The following DLGAP2 variants were observed in gnomAD, a reference collection of about 807,000 sequenced individuals.
DLGAP2 encodes DLG associated protein 2, also known as disks large-associated protein 2.
DLGAP2 carries 26 observed loss-of-function variants against 100.3 expected under a neutral mutation model. The ratio of observed to expected loss-of-function variants is 0.26; its 90% CI spans 0.19 to 0.36. DLGAP2 has a LOEUF of 0.36. DLGAP2 is among the 10% of genes least tolerant of loss of function. The probability of loss-of-function intolerance (pLI) is 1.00; values close to 1 mark genes in which losing one functional copy is unlikely to be tolerated. For missense variants in DLGAP2, 1,858 were observed against 1,453.2 expected (o/e 1.28, Z -4.53); for synonymous variants, 886 against 630.1 (o/e 1.41, Z -6.08).
intron 13 of DLGAP2, 40 bp downstream of exon 13, chr8:1,691,666 A>C (rs756323220): frequency 1.4e-6 from 2 of 1,478,812 alleles, no homozygotes; most frequent in East Asian, 2.3e-5. Flanking sequence ...CCTGTAACCA[A>C]GCTAATGGGC....
At chr8:940,937 G>C (rs1354112383) in intron 2 of DLGAP2, among the ~76,000 whole-genome samples, 1 of 152,118 alleles carries the variant, frequency 6.6e-6, no homozygotes, top group Non-Finnish European at 1.5e-5. Context: ...AGCGGGCGTA[G>C]GGTACCACCT....
rs1014687325 is a variant in DLGAP2 at position 1,701,530 on chromosome 8, G to A, written c.*124G>A. On this transcript the variant is annotated 3_prime_UTR_variant, in exon 15 of 15. Transcript: ENST00000637795. ...ACACGTCCTCGCTCCCGCGCTCCCC[G>A]CGCCCCGGACACAGCGGGACGCGGC... The A allele has an allele frequency of 2.2e-5, 24 of 1,098,578 alleles. No homozygotes were observed. The highest frequency in any genetic ancestry group is 2.6e-5 in the East Asian group (1 of 37,868). The allele number at this position is 1,098,578 out of a possible 1,614,324, so 68.1% of individuals were successfully genotyped here. A position where few individuals can be genotyped will look rare whatever the true frequency, so the allele number is the denominator to read the frequency against.
chr8:1,003,541 A>G (rs1230341910), intron 2 of DLGAP2, among the ~76,000 whole-genome samples: 1 of 152,262 alleles, frequency 6.6e-6, no homozygotes, highest in African/African-American at 2.4e-5. Flanking sequence ...CCATCTCAAC[A>G]TTTAGTAAGC....
intron 2 of DLGAP2, among the ~76,000 whole-genome samples, chr8:1,121,954 G>A (rs1796059945): frequency 1.3e-5 from 2 of 152,144 alleles, no homozygotes; most frequent in African/African-American, 2.4e-5. Context: ...ACCCTCCTAG[G>A]TATTGAGTGC....
chr8:1,596,828 C>T (rs1396151593), intron 6 of DLGAP2, among the ~76,000 whole-genome samples: 2 of 150,860 alleles, frequency 1.3e-5, no homozygotes, highest in Non-Finnish European at 3.0e-5. Flanking sequence ...CTGTAGGTTG[C>T]CTGATAGTTT....
intron 1 of DLGAP2, among the ~76,000 whole-genome samples, chr8:785,221 CAAAAAAAAAA>C (rs55781731): frequency 3.9e-4 from 24 of 60,832 alleles, no homozygotes; most frequent in Middle Eastern, 0.011. Flanking sequence ...GACTCCGCCT[CAAAAAAAAAA>C]AAAAAAAAAA....
intron 2 of DLGAP2, among the ~76,000 whole-genome samples, chr8:1,133,852 T>C (rs1450063055): frequency 6.9e-6 from 1 of 145,886 alleles, no homozygotes; most frequent in Non-Finnish European, 1.5e-5. Flanking sequence ...TGATTAACCC[T>C]TTTTTTTTTT....
chr8:1,420,177 C>T (rs1797049308), intron 3 of DLGAP2, among the ~76,000 whole-genome samples: 1 of 152,116 alleles, frequency 6.6e-6, no homozygotes, highest in African/African-American at 2.4e-5. Context: ...CTGAGGACTG[C>T]CTTATCCTGA....
At chr8:1,633,185 G>A in intron 8 of DLGAP2, 139 bp downstream of exon 8, 1 of 763,558 alleles carries the variant, frequency 1.3e-6, no homozygotes, top group South Asian at 1.9e-5. Context: ...AATTGCATGT[G>A]TTACACTGTC....
chr8:1,174,504 A>G (rs1266946970), intron 2 of DLGAP2, among the ~76,000 whole-genome samples: 4 of 151,038 alleles, frequency 2.6e-5, no homozygotes, highest in Admixed American at 2.6e-4. Flanking sequence ...ACCATCATCA[A>G]AGTCATTATC....
intron 3 of DLGAP2, among the ~76,000 whole-genome samples, chr8:1,473,429 G>A (rs1032885885): frequency 3.3e-5 from 5 of 152,208 alleles, no homozygotes; most frequent in African/African-American, 4.8e-5. Flanking sequence ...AAGGTGTTCA[G>A]TTGGTCCACG....
At chr8:905,487 G>A (rs1041441788) in intron 1 of DLGAP2, among the ~76,000 whole-genome samples, 10 of 152,092 alleles carry the variant, frequency 6.6e-5, no homozygotes, top group Admixed American at 1.3e-4. Context: ...GAACAGAGAC[G>A]GCATAAAACA....
At chr8:789,251 C>T (rs575307297) in intron 1 of DLGAP2, among the ~76,000 whole-genome samples, 2 of 152,286 alleles carry the variant, frequency 1.3e-5, no homozygotes, top group Non-Finnish European at 2.9e-5. Flanking sequence ...GCTCACGGTT[C>T]CTCAGGATTT....
intron 2 of DLGAP2, among the ~76,000 whole-genome samples, chr8:1,075,626 T>A (rs1803580963): frequency 6.6e-6 from 1 of 152,178 alleles, no homozygotes; most frequent in African/African-American, 2.4e-5. Context: ...TCTTTGTATG[T>A]GACGTCCTTG....
intron 3 of DLGAP2, among the ~76,000 whole-genome samples, chr8:1,449,589 G>A (rs1015186078): frequency 2.0e-5 from 3 of 152,214 alleles, no homozygotes; most frequent in African/African-American, 4.8e-5. Flanking sequence ...CTGAGCTCCA[G>A]GGTGGGCCTG....
At chr8:1,053,657 C>G (rs1802789247) in intron 2 of DLGAP2, among the ~76,000 whole-genome samples, 1 of 152,118 alleles carries the variant, frequency 6.6e-6, no homozygotes, top group Admixed American at 6.5e-5. Flanking sequence ...GGGATAATTC[C>G]TGGATTTAAT....
intron 2 of DLGAP2, among the ~76,000 whole-genome samples, chr8:1,208,036 T>G (rs1724767937): frequency 6.6e-6 from 1 of 152,228 alleles, no homozygotes; most frequent in African/African-American, 2.4e-5. Flanking sequence ...CTCTGCTGAT[T>G]ATTTCTTTTG....
intron 2 of DLGAP2, among the ~76,000 whole-genome samples, chr8:1,158,790 C>T (rs1364438942): frequency 1.3e-5 from 2 of 152,338 alleles, no homozygotes; most frequent in Middle Eastern, 3.4e-3. Context: ...TGATTCTGTC[C>T]ACATCGACAA....
chr8:1,289,916 T>G (rs1230553307), intron 3 of DLGAP2, among the ~76,000 whole-genome samples: 1 of 152,236 alleles, frequency 6.6e-6, no homozygotes, highest in East Asian at 1.9e-4. Context: ...TTCAGTATAT[T>G]CTTGACCATC....
Sources: allele counts gnomAD v4.1 joint callset (sites outside exome capture counted in the v4.1 genomes callset), GRCh38; gene constraint gnomAD v4.1.1; transcripts MANE v1.5; gene names NCBI Gene and HGNC (gene_info 2026-07-23, HGNC 2026-07-21).